Variants in LINC00305 observed in about 807,000 individuals in gnomAD.
LINC00305 encodes the protein long intergenic non-protein coding RNA 305.
At chr18:64,117,106 A>G (rs536534474) in intron 1 of LINC00305, among the ~76,000 whole-genome samples, 1 of 152,268 alleles carries the variant, frequency 6.6e-6, no homozygotes, top group South Asian at 2.1e-4. Context: ...GACAAAGCTT[A>G]GTGTTTTTTT....
In LINC00305 at chr18:64,129,197, G is replaced by A. The variant is rs540332962; in HGVS notation, n.314+19578C>T. ...GGTAGAAGGAATACATTGCAATGTA[G>A]TTTTCTTTTTACTTTGACTTTCTGG... is the stretch of plus-strand genomic sequence containing the variant. On this transcript the variant is annotated intron_variant and non_coding_transcript_variant, in intron 1 of 3. Transcript: ENST00000666468. Among the ~76,000 whole-genome samples, 5 of 152,170 alleles carry A rather than the reference G, an allele frequency of 3.3e-5. No homozygotes were observed. The South Asian group carries it at 1.0e-3, about 32-fold the overall frequency.
chr18:64,110,949 G>A (rs1242965310), intron 1 of LINC00305, among the ~76,000 whole-genome samples: 1 of 152,076 alleles, frequency 6.6e-6, no homozygotes, highest in African/African-American at 2.4e-5. Context: ...TCCAATGCAG[G>A]GTGACTGGAG....
At chr18:64,111,202 C>T (rs536345401) in intron 1 of LINC00305, among the ~76,000 whole-genome samples, 4 of 152,302 alleles carry the variant, frequency 2.6e-5, no homozygotes, top group Non-Finnish European at 4.4e-5. Context: ...TTGTGACATA[C>T]CATGTTTTTC....
exon 3 of LINC00305, chr18:64,097,865 C>T (rs1349766044): frequency 4.4e-6 from 2 of 457,878 alleles, no homozygotes; most frequent in South Asian, 1.5e-5. Flanking sequence ...TGTAGAATCT[C>T]ACTCTAACCA....
At chr18:64,084,282 C>G (rs567961295) in intron 3 of LINC00305, among the ~76,000 whole-genome samples, 1 of 152,244 alleles carries the variant, frequency 6.6e-6, no homozygotes, top group Admixed American at 6.5e-5. Context: ...TTTATCCTTT[C>G]TAACCCCATA....
intron 1 of LINC00305, among the ~76,000 whole-genome samples, chr18:64,104,560 G>A (rs1255181320): frequency 1.3e-5 from 2 of 152,200 alleles, no homozygotes; most frequent in East Asian, 3.8e-4. Flanking sequence ...AATGACAGGG[G>A]ATGTCATAGA....
intron 1 of LINC00305, among the ~76,000 whole-genome samples, chr18:64,145,902 G>C (rs1282962764): frequency 6.6e-6 from 1 of 152,012 alleles, no homozygotes; most frequent in Non-Finnish European, 1.5e-5. Context: ...TCTTTTTGTA[G>C]GGTCCACTTG....
At chr18:64,142,629 C>T (rs2051469327) in intron 1 of LINC00305, among the ~76,000 whole-genome samples, 1 of 152,148 alleles carries the variant, frequency 6.6e-6, no homozygotes. Context: ...GAGCATGATA[C>T]ACAAGACTTG....
In LINC00305 at chr18:64,143,643, A is replaced by G. The variant is rs1171846930; in HGVS notation, n.314+5132T>C. Among the ~76,000 whole-genome samples, 76 of 122,554 alleles carry G rather than the reference A, an allele frequency of 6.2e-4. 4 individuals carry two copies. Among genetic ancestry groups the G allele is most frequent in the African/African-American group, 1.6e-3 (53 of 33,118 alleles). The allele number at this position is 122,554 out of a possible 152,430, so 80.4% of individuals were successfully genotyped here. ...ACATATGTATGTACACGTATTATGT[A>G]TACATATGTATGTACACGTATTATG... On this transcript the variant is annotated intron_variant and non_coding_transcript_variant, in intron 1 of 3. Coordinates refer to ENST00000666468, the Ensembl canonical transcript of LINC00305.
intron 1 of LINC00305, among the ~76,000 whole-genome samples, chr18:64,122,285 A>G (rs1333038371): frequency 6.6e-6 from 1 of 151,850 alleles, no homozygotes; most frequent in Non-Finnish European, 1.5e-5. Context: ...AGTTTTTCCT[A>G]GGTTTTCTTC....
At chr18:64,137,765 A>G (rs2051441733) in intron 1 of LINC00305, among the ~76,000 whole-genome samples, 1 of 152,148 alleles carries the variant, frequency 6.6e-6, no homozygotes. Flanking sequence ...TACAACGTTT[A>G]GAGAGGAACA....
intron 1 of LINC00305, among the ~76,000 whole-genome samples, chr18:64,100,314 C>G (rs998625642): frequency 2.6e-5 from 4 of 152,092 alleles, no homozygotes; most frequent in African/African-American, 9.7e-5. Flanking sequence ...TAATTAAATA[C>G]ACAAAAAGTC....
chr18:64,114,159 A>G (rs1414619579), intron 1 of LINC00305, among the ~76,000 whole-genome samples: 2 of 152,042 alleles, frequency 1.3e-5, no homozygotes, highest in African/African-American at 4.8e-5. Flanking sequence ...AGTCCCAGCT[A>G]CTCTGGAGGC....
intron 1 of LINC00305, among the ~76,000 whole-genome samples, chr18:64,101,118 C>T (rs2051266465): frequency 2.0e-5 from 3 of 152,168 alleles, no homozygotes; most frequent in Admixed American, 2.0e-4. Context: ...ATTTGAGTCT[C>T]ATGGTGGGTT....
chr18:64,122,839 ATTTG>A (rs2051368155), intron 1 of LINC00305, among the ~76,000 whole-genome samples: 1 of 151,884 alleles, frequency 6.6e-6, no homozygotes, highest in South Asian at 2.1e-4. Context: ...ATGTTTTTCC[ATTTG>A]TTTGTTTTAT....
intron 3 of LINC00305, among the ~76,000 whole-genome samples, chr18:64,085,489 G>A (rs2051199851): frequency 6.7e-6 from 1 of 149,662 alleles, no homozygotes; most frequent in African/African-American, 2.5e-5. Context: ...TTGAGACTGA[G>A]TCTCGCTCTG....
intron 1 of LINC00305, among the ~76,000 whole-genome samples, chr18:64,123,456 G>A (rs2126100): frequency 1 from 152,057 of 152,184 alleles, 75,966 homozygotes; most frequent in East Asian, 1. Context: ...GCCTTCCTAT[G>A]CCACCAGGCC....
intron 1 of LINC00305, among the ~76,000 whole-genome samples, chr18:64,115,530 A>C (rs956615962): frequency 2.6e-5 from 4 of 152,156 alleles, no homozygotes; most frequent in African/African-American, 9.7e-5. Flanking sequence ...CAGATGGGAC[A>C]GTGGAATGAG....
At chr18:64,108,604 A>G (rs1449243939) in intron 1 of LINC00305, among the ~76,000 whole-genome samples, 2 of 152,182 alleles carry the variant, frequency 1.3e-5, no homozygotes, top group Non-Finnish European at 2.9e-5. Context: ...TGAGGTGATA[A>G]GAAAATAAAG....
Sources: gnomAD v4.1 joint callset for allele counts (sites outside exome capture counted in the v4.1 genomes callset) on GRCh38, gnomAD v4.1.1 for gene constraint, MANE v1.5 for transcripts, NCBI Gene and HGNC (gene_info 2026-07-23, HGNC 2026-07-21) for gene names.